The following STK32B variants were observed in gnomAD, a reference collection of about 807,000 sequenced individuals.
STK32B encodes serine/threonine-protein kinase 32B.
Under a neutral mutation model 52.6 loss-of-function variants are expected in STK32B, and 43 were observed. That is an observed-to-expected ratio of 0.82 (90% CI 0.64 to 1.05). The LOEUF is 1.05. Ranked by LOEUF, STK32B falls within the 50% of genes least tolerant of loss-of-function variation. The probability of loss-of-function intolerance (pLI) is 0.00; values close to 1 mark genes in which losing one functional copy is unlikely to be tolerated. For synonymous variants in STK32B, 238 were observed against 204.3 expected (o/e 1.17, Z -1.41); for missense variants, 621 against 534.6 (o/e 1.16, Z -1.59).
intron 3 of STK32B, among the ~76,000 whole-genome samples, chr4:5,236,603 A>T (rs1457796421): frequency 6.6e-6 from 1 of 152,216 alleles, no homozygotes; most frequent in Non-Finnish European, 1.5e-5. Context: ...TATAAAGTAC[A>T]CACAGCACCG....
chr4:5,436,741 T>G (rs1714116280), intron 6 of STK32B: 3 of 934,958 alleles, frequency 3.2e-6, no homozygotes, highest in Non-Finnish European at 3.8e-6. Flanking sequence ...TCCCTGAACC[T>G]AGGAGTCAGG....
intron 5 of STK32B, among the ~76,000 whole-genome samples, chr4:5,411,478 A>T (rs1356015513): frequency 6.6e-6 from 1 of 152,258 alleles, no homozygotes; most frequent in Admixed American, 6.5e-5. Context: ...TACAAACAAT[A>T]TATACAACTA....
intron 6 of STK32B, among the ~76,000 whole-genome samples, chr4:5,441,090 G>C (rs1411089144): frequency 6.7e-6 from 1 of 149,766 alleles, no homozygotes; most frequent in Non-Finnish European, 1.5e-5. Context: ...TCTCTGCCTG[G>C]CTTTGGTATC....
At chr4:5,068,390 T>C (rs893766873) in intron 1 of STK32B, among the ~76,000 whole-genome samples, 1 of 152,176 alleles carries the variant, frequency 6.6e-6, no homozygotes, top group African/African-American at 2.4e-5. Flanking sequence ...TTTCCACTCT[T>C]GAGTTACTTC....
intron 3 of STK32B, among the ~76,000 whole-genome samples, chr4:5,249,505 C>CCCTCCCTTCCTT (rs1560259545): frequency 1.6e-4 from 18 of 116,028 alleles, no homozygotes; most frequent in African/African-American, 5.8e-4. Context: ...CTTCCTTCCT[C>CCCTCCCTTCCTT]CCTCCCTTCC....
At chr4:5,313,534 G>A (rs1012426897) in intron 3 of STK32B, among the ~76,000 whole-genome samples, 21 of 152,138 alleles carry the variant, frequency 1.4e-4, no homozygotes, top group Middle Eastern at 3.4e-3. Flanking sequence ...GAAAAATAAG[G>A]CATATAGATT....
intron 6 of STK32B, among the ~76,000 whole-genome samples, chr4:5,444,287 G>A (rs554593020): frequency 2.6e-5 from 4 of 152,340 alleles, no homozygotes; most frequent in South Asian, 4.1e-4. Context: ...AGTCAGGTGC[G>A]GGATATAATC....
chr4:5,164,654 CTG>C (rs1159890213), intron 2 of STK32B, among the ~76,000 whole-genome samples: 1 of 152,180 alleles, frequency 6.6e-6, no homozygotes, highest in Non-Finnish European at 1.5e-5. Flanking sequence ...TAGCTTTACA[CTG>C]TATTATCACA....
At chr4:5,376,422 G>T (rs1303405125) in intron 4 of STK32B, among the ~76,000 whole-genome samples, 1 of 149,986 alleles carries the variant, frequency 6.7e-6, no homozygotes, top group Non-Finnish European at 1.5e-5. Flanking sequence ...TCTCTCCCCT[G>T]CCCCCCTCTC....
At chr4:5,356,172 G>A (rs1734159193) in intron 4 of STK32B, among the ~76,000 whole-genome samples, 1 of 152,152 alleles carries the variant, frequency 6.6e-6, no homozygotes. Flanking sequence ...ACAGATGAGA[G>A]ACACCTTTCT....
At chr4:5,218,854 C>T (rs762806765) in intron 3 of STK32B, among the ~76,000 whole-genome samples, 46 of 152,310 alleles carry the variant, frequency 3.0e-4, no homozygotes, top group Admixed American at 1.0e-3. Context: ...CTCTCCCGGC[C>T]GGCCTGGGAG....
chr4:5,158,787 C>T (rs1577119024), intron 2 of STK32B, among the ~76,000 whole-genome samples: 1 of 152,130 alleles, frequency 6.6e-6, no homozygotes, highest in Admixed American at 6.5e-5. Flanking sequence ...TGTCCCGATC[C>T]CTCTTCTTAC....
chr4:5,427,754 T>C (rs1341963411), intron 6 of STK32B, among the ~76,000 whole-genome samples: 1 of 152,160 alleles, frequency 6.6e-6, no homozygotes, highest in Non-Finnish European at 1.5e-5. Flanking sequence ...TGTCCCCTCT[T>C]TCAGTCCTGA....
chr4:5,480,546 G>A (rs1350676617), intron 11 of STK32B, among the ~76,000 whole-genome samples: 1 of 151,898 alleles, frequency 6.6e-6, no homozygotes, highest in Non-Finnish European at 1.5e-5. Flanking sequence ...GGAAAAGAAT[G>A]TTTAGGTTAA....
intron 3 of STK32B, among the ~76,000 whole-genome samples, chr4:5,304,300 C>T (rs1160784565): frequency 6.6e-6 from 1 of 152,012 alleles, no homozygotes; most frequent in African/African-American, 2.4e-5. Context: ...TTGATTATAC[C>T]CATCTATGAG....
chr4:5,312,555 C>T (rs1051670961), intron 3 of STK32B, among the ~76,000 whole-genome samples: 8 of 150,810 alleles, frequency 5.3e-5, no homozygotes, highest in African/African-American at 1.9e-4. Flanking sequence ...TTTGTTCTTC[C>T]GATAGTTTAC....
At chr4:5,389,031 G>A (rs1210349961) in intron 4 of STK32B, among the ~76,000 whole-genome samples, 1 of 152,206 alleles carries the variant, frequency 6.6e-6, no homozygotes, top group Non-Finnish European at 1.5e-5. Context: ...AGCATGGCTT[G>A]ACTGGATGCA....
At chr4:5,419,646 T>C (rs571077617) in intron 6 of STK32B, among the ~76,000 whole-genome samples, 1 of 152,352 alleles carries the variant, frequency 6.6e-6, no homozygotes, top group Non-Finnish European at 1.5e-5. Context: ...TTTCTTTCCG[T>C]GTAGAAATCA....
intron 1 of STK32B, among the ~76,000 whole-genome samples, chr4:5,118,394 AGTTGTAAT>A (rs1460349738): frequency 6.6e-6 from 1 of 152,228 alleles, no homozygotes; most frequent in African/African-American, 2.4e-5. Context: ...CTGTGGCATC[AGTTGTAAT>A]GTAGATACAC....
Sources: gnomAD v4.1 joint callset for allele counts (sites outside exome capture counted in the v4.1 genomes callset) on GRCh38, gnomAD v4.1.1 for gene constraint, MANE v1.5 for transcripts, NCBI Gene and HGNC (gene_info 2026-07-23, HGNC 2026-07-21) for gene names.